ZBTB16: variants seen among roughly 807,000 people sequenced by gnomAD.
The protein encoded by ZBTB16 is zinc finger and BTB domain containing 16.
ZBTB16 carries 8 observed loss-of-function variants against 56.8 expected under a neutral mutation model. The observed-to-expected ratio is 0.14, with a 90% confidence interval of 0.08 to 0.25. The LOEUF (loss-of-function observed/expected upper bound fraction) is 0.25. Ranked by LOEUF, ZBTB16 falls within the 10% of genes least tolerant of loss-of-function variation. The pLI is 1.00. For synonymous variants in ZBTB16, 363 were observed against 368.5 expected, an observed-to-expected ratio of 0.98 and a Z score of 0.17; for missense variants, 625 against 903.0, an observed-to-expected ratio of 0.69 and a Z score of 3.95.
intron 4 of ZBTB16, among the ~76,000 whole-genome samples, chr11:114,215,985 G>A (rs903903630): frequency 6.6e-6 from 1 of 152,198 alleles, no homozygotes; most frequent in African/African-American, 2.4e-5. Context: ...CTTGAACAGA[G>A]CAGACAGGGT....
chr11:114,147,224 AAC>A lies in ZBTB16; in HGVS notation c.1269-9111_1269-9110del, dbSNP rs1167230807. ...CCTTTAATAAACCTCAGTTATTCTC[AAC>A]AATCTCTGAGTTTCCATGGCTGGTC... On this transcript the variant is annotated intron_variant, in intron 2 of 6. Transcript: ENST00000335953. 2.0e-5 allele frequency among the ~76,000 whole-genome samples: 3 copies of A among 152,356 alleles called. No homozygotes were observed. The East Asian group carries it at 5.8e-4, about 29-fold the overall frequency.
rs11448689 is a variant in ZBTB16 at position 114,077,471 on chromosome 11, AT to A, written c.1268+12912del. ...ACCCAGAACTCCTTGTTTTCTATGC[AT>A]TTTTTTTTCCTACTGCCCTCTGACC... On this transcript the variant is annotated intron_variant, in intron 2 of 6. Coordinates refer to ENST00000335953, the MANE Select transcript of ZBTB16 (RefSeq NM_006006.6). Among the ~76,000 whole-genome samples the A allele has an allele frequency of 2.0e-3, 300 of 150,980 alleles. 2 individuals are homozygous for A. In the East Asian group the frequency reaches 0.033, roughly 17 times the overall value.
At chr11:114,078,028 A>G (rs962952612) in intron 2 of ZBTB16, among the ~76,000 whole-genome samples, 1 of 152,144 alleles carries the variant, frequency 6.6e-6, no homozygotes, top group Non-Finnish European at 1.5e-5. Context: ...GTGGTGTGTT[A>G]TGAAGGAGGG....
At chr11:114,088,431 T>C (rs1940045692) in intron 2 of ZBTB16, among the ~76,000 whole-genome samples, 1 of 152,178 alleles carries the variant, frequency 6.6e-6, no homozygotes, top group Non-Finnish European at 1.5e-5. Context: ...TGTGAGTCAC[T>C]GTGCCCGGCC....
chr11:114,126,566 T>TGA (rs1407644242), intron 2 of ZBTB16, among the ~76,000 whole-genome samples: 1 of 152,172 alleles, frequency 6.6e-6, no homozygotes. Context: ...GTATTGTTGT[T>TGA]GAGAGTGGCC....
chr11:114,157,661 A>G (rs1457121937), intron 3 of ZBTB16, among the ~76,000 whole-genome samples: 1 of 151,916 alleles, frequency 6.6e-6, no homozygotes, highest in Non-Finnish European at 1.5e-5. Context: ...TCAGCTCCCC[A>G]CTGCCTTGCT....
chr11:114,111,332 C>T (rs1591676324), intron 2 of ZBTB16, among the ~76,000 whole-genome samples: 1 of 152,270 alleles, frequency 6.6e-6, no homozygotes, highest in South Asian at 2.1e-4. Context: ...AAAATTAAAG[C>T]CAACCTATAT....
At chr11:114,201,076 C>T (rs1943726477) in intron 4 of ZBTB16, among the ~76,000 whole-genome samples, 1 of 152,194 alleles carries the variant, frequency 6.6e-6, no homozygotes, top group Admixed American at 6.5e-5. Flanking sequence ...GCTTTCTGCT[C>T]CACCATTGAT....
intron 4 of ZBTB16, among the ~76,000 whole-genome samples, chr11:114,223,858 G>A (rs913781443): frequency 6.6e-6 from 1 of 152,096 alleles, no homozygotes; most frequent in African/African-American, 2.4e-5. Context: ...AAGGAATGGG[G>A]GAGAAAGGGA....
rs116228920 is a variant in ZBTB16 at position 114,175,131 on chromosome 11, C to G, written c.1367-11821C>G. Among the ~76,000 whole-genome samples, 1,345 of 152,306 alleles carry G rather than the reference C, an allele frequency of 8.8e-3. 17 individuals are homozygous for G. Among genetic ancestry groups the G allele is most frequent in the African/African-American group, 0.03 (1,260 of 41,566 alleles). ...AAGTTGCACAACAGCAGTGACACCA[C>G]TCACTCAGAAATGGGACTGTAAGGT... On this transcript the variant is annotated intron_variant, in intron 3 of 6. Transcript: ENST00000335953.
Position 114,143,581 on chromosome 11 carries a change from G to A in ZBTB16, c.1269-12756G>A, listed in dbSNP as rs1942018685. Among the ~76,000 whole-genome samples, 1 of 152,120 alleles carries A rather than the reference G, an allele frequency of 6.6e-6. No individual in the cohort carries two copies. The highest frequency in any genetic ancestry group is 2.1e-4 in the South Asian group (1 of 4,820). ...TGTAGAAAAAATACGCTAGTGACAG[G>A]TCCTCCCTCCATCCCAGATGTGTGA... On this transcript the variant is annotated intron_variant, in intron 2 of 6. Transcript: ENST00000335953. The surrounding 1 kb of genome is among the most constrained non-coding windows in gnomAD (Gnocchi z 6.4).
rs1565651480 is a variant in ZBTB16, at chr11:114,148,338, TTCCTTCCTTC to T, written c.1269-7998_1269-7989del. ...TGCATAGGATGCATGGCTGGCTGGC[TTCCTTCCTTC>T]CTTCCTTCCTTCCTTCCTTCCTTCC... is the stretch of plus-strand genomic sequence containing the variant. On this transcript the variant is annotated intron_variant, in intron 2 of 6. Transcript: ENST00000335953. Among the ~76,000 whole-genome samples, 316 of 95,372 alleles carry T rather than the reference TTCCTTCCTTC, an allele frequency of 3.3e-3. 10 individuals carry two copies. Among genetic ancestry groups the T allele is most frequent in the Middle Eastern group, 0.023 (5 of 218 alleles). The allele number at this position is 95,372 out of a possible 152,430, so 62.6% of individuals were successfully genotyped here.
intron 4 of ZBTB16, among the ~76,000 whole-genome samples, chr11:114,200,656 C>T (rs913066424): frequency 5.9e-5 from 9 of 152,234 alleles, no homozygotes; most frequent in African/African-American, 2.2e-4. Context: ...CTGAGTTGCC[C>T]CTTCACTCTC....
At chr11:114,134,752 C>T (rs777913984) in intron 2 of ZBTB16, among the ~76,000 whole-genome samples, 2 of 152,212 alleles carry the variant, frequency 1.3e-5, no homozygotes, top group Non-Finnish European at 2.9e-5. Context: ...TCACCCTCCT[C>T]ATCTGTGAAG....
intron 4 of ZBTB16, among the ~76,000 whole-genome samples, chr11:114,220,522 C>T (rs1944208935): frequency 6.6e-6 from 1 of 152,122 alleles, no homozygotes. Context: ...AAATTCCAAC[C>T]CTGAAAGCCG....
At chr11:114,079,801 T>G (rs1020955366) in intron 2 of ZBTB16, among the ~76,000 whole-genome samples, 2 of 152,174 alleles carry the variant, frequency 1.3e-5, no homozygotes, top group Non-Finnish European at 2.9e-5. Flanking sequence ...TTGGCCTCAC[T>G]TCTTAGGTGG....
chr11:114,176,362 A>G (rs1388974918), intron 3 of ZBTB16, among the ~76,000 whole-genome samples: 3 of 152,156 alleles, frequency 2.0e-5, no homozygotes, highest in Admixed American at 6.5e-5. Flanking sequence ...AAAGCTATCT[A>G]TCTCTCTTAA....
In ZBTB16 at chr11:114,254,807, C is replaced by T. The variant is rs902951226; in HGVS notation, c.*4252C>T. Among the ~76,000 whole-genome samples, 3 of 152,068 alleles carry T rather than the reference C, an allele frequency of 2.0e-5. No individual in the cohort carries two copies. The highest frequency in any genetic ancestry group is 4.4e-5 in the Non-Finnish European group (3 of 68,032). ...TGGGAGGATGAAAGGCGAGACTCAC[C>T]CTACGCGGTGGGACAGATGGGGAGA... On this transcript the variant is annotated 3_prime_UTR_variant, in exon 7 of 7. Transcript: ENST00000335953.
At position 114,121,498 on chromosome 11, in the gene ZBTB16, G is replaced by T. The variant is rs74602636; in HGVS notation, c.1269-34839G>T. 3.1e-3 allele frequency among the ~76,000 whole-genome samples: 468 copies of T among 152,268 alleles called. 6 individuals are homozygous for T. The East Asian group carries it at 0.032, about 11-fold the overall frequency. ...TTATTCTCATGCCTGGTTCTTGATT[G>T]TGGCTAGCACCATGGCTATTTCAGG... On this transcript the variant is annotated intron_variant, in intron 2 of 6. Coordinates refer to ENST00000335953, the MANE Select transcript of ZBTB16 (RefSeq NM_006006.6).
Sources: allele counts gnomAD v4.1 joint callset (sites outside exome capture counted in the v4.1 genomes callset), GRCh38; gene constraint gnomAD v4.1.1; non-coding constraint Gnocchi (gnomAD v3.1); transcripts MANE v1.5; gene names NCBI Gene and HGNC (gene_info 2026-07-23, HGNC 2026-07-21).